The following SUGCT variants were observed in gnomAD, a reference collection of about 807,000 sequenced individuals.
The protein encoded by SUGCT is succinyl-CoA:glutarate-CoA transferase, also known as succinyl-CoA:glutarate CoA-transferase.
Under a neutral mutation model 55.0 loss-of-function variants are expected in SUGCT, and 41 were observed. That is an observed-to-expected ratio of 0.74 (90% CI 0.58 to 0.97). The LOEUF (loss-of-function observed/expected upper bound fraction) is 0.97, where lower values mean the gene tolerates loss of function less well. Ranked by LOEUF, SUGCT falls within the 50% of genes least tolerant of loss-of-function variation. The pLI, the probability that SUGCT is intolerant of heterozygous loss-of-function variation, is 0.00. For missense variants in SUGCT, 568 were observed against 547.8 expected, an observed-to-expected ratio of 1.04 and a Z score of -0.37; for synonymous variants, 187 against 200.4, an observed-to-expected ratio of 0.93 and a Z score of 0.56.
At chr7:40,853,640 C>T (rs952214760) in intron 13 of SUGCT, among the ~76,000 whole-genome samples, 5 of 152,198 alleles carry the variant, frequency 3.3e-5, no homozygotes, top group Non-Finnish European at 5.9e-5. Context: ...GCTGGGATTA[C>T]AGGCATGAGC....
intron 7 of SUGCT, among the ~76,000 whole-genome samples, chr7:40,266,678 T>C (rs1307541577): frequency 6.6e-6 from 1 of 152,144 alleles, no homozygotes; most frequent in Non-Finnish European, 1.5e-5. Flanking sequence ...TTTTAGTGAA[T>C]TTTTGAATAC....
the SUGCT span, chr7:40,966,809 T>C: frequency 2.0e-5 from 3 of 152,224 alleles, no homozygotes; most frequent in African/African-American, 7.2e-5. Flanking sequence ...TAAAGTGACT[T>C]AAACATAGAG....
At chr7:40,287,769 G>C (rs1041994291) in intron 8 of SUGCT, among the ~76,000 whole-genome samples, 1 of 152,066 alleles carries the variant, frequency 6.6e-6, no homozygotes, top group Non-Finnish European at 1.5e-5. Flanking sequence ...AAAGTGCTGG[G>C]ATTACAAGCA....
At chr7:41,031,026 ATC>A in the SUGCT span, among the ~76,000 whole-genome samples, 1 of 152,130 alleles carries the variant, frequency 6.6e-6, no homozygotes, top group African/African-American at 2.4e-5. Context: ...CAGTGACACG[ATC>A]TCAGCACACA....
intron 9 of SUGCT, among the ~76,000 whole-genome samples, chr7:40,324,699 T>C (rs1490347474): frequency 6.6e-6 from 1 of 152,180 alleles, no homozygotes; most frequent in Non-Finnish European, 1.5e-5. Flanking sequence ...ATGGAAGCCC[T>C]CTACTGTCTA....
chr7:40,837,810 C>T (rs1482473900), intron 13 of SUGCT, among the ~76,000 whole-genome samples: 1 of 152,138 alleles, frequency 6.6e-6, no homozygotes, highest in Admixed American at 6.5e-5. Context: ...GGTGGGGTTT[C>T]ACCATGTTGG....
chr7:40,765,063 G>A (rs1193203642), intron 13 of SUGCT, among the ~76,000 whole-genome samples: 1 of 152,178 alleles, frequency 6.6e-6, no homozygotes, highest in Non-Finnish European at 1.5e-5. Context: ...GTAAGTGACA[G>A]CTTATTTCAT....
At chr7:40,506,315 A>G (rs1441623441) in intron 12 of SUGCT, among the ~76,000 whole-genome samples, 4 of 152,164 alleles carry the variant, frequency 2.6e-5, no homozygotes, top group South Asian at 2.1e-4. Flanking sequence ...TGAATATGTC[A>G]TTCCACTGCC....
intron 9 of SUGCT, among the ~76,000 whole-genome samples, chr7:40,414,979 A>C (rs1786890747): frequency 6.8e-6 from 1 of 147,578 alleles, no homozygotes; most frequent in Non-Finnish European, 1.5e-5. Context: ...CTGGGGGCGG[A>C]TGTTGCACTG....
intron 12 of SUGCT, among the ~76,000 whole-genome samples, chr7:40,566,180 C>T (rs1562866090): frequency 6.6e-6 from 1 of 152,234 alleles, no homozygotes; most frequent in East Asian, 1.9e-4. Context: ...ACCAAGTAAA[C>T]AGACAGAATA....
the SUGCT span, among the ~76,000 whole-genome samples, chr7:40,970,167 T>C: frequency 8.5e-4 from 129 of 152,176 alleles, no homozygotes; most frequent in African/African-American, 3.0e-3. Context: ...GGCTCTATGG[T>C]TTTGTTTTTC....
At chr7:40,332,443 A>ATTTTTTTTTTTTTTT (rs57902207) in intron 9 of SUGCT, among the ~76,000 whole-genome samples, 1 of 139,354 alleles carries the variant, frequency 7.2e-6, no homozygotes, top group African/African-American at 2.6e-5. Context: ...TCTGCATTGG[A>ATTTTTTTTTTTTTTT]TTTTTTTTTT....
intron 12 of SUGCT, among the ~76,000 whole-genome samples, chr7:40,582,648 C>A (rs767643665): frequency 4.6e-5 from 7 of 152,160 alleles, no homozygotes; most frequent in Non-Finnish European, 1.0e-4. Context: ...ATTGCAGCTT[C>A]AAACATCCTC....
chr7:40,178,524 G>T (rs1785031257), intron 1 of SUGCT, among the ~76,000 whole-genome samples: 1 of 151,820 alleles, frequency 6.6e-6, no homozygotes, highest in South Asian at 2.1e-4. Flanking sequence ...TAGAGAGAAA[G>T]AATTTCTCCC....
chr7:40,949,886 G>C, the SUGCT span, among the ~76,000 whole-genome samples: 58,836 of 151,694 alleles, frequency 0.39, 11,928 homozygotes, highest in Admixed American at 0.5. Flanking sequence ...AAGTCAGGTA[G>C]CATGATGCCT....
At chr7:40,153,366 G>T in intron 1 of SUGCT, 1 of 361,668 alleles carries the variant, frequency 2.8e-6, no homozygotes, top group East Asian at 7.6e-5. Context: ...GAGATTCTGG[G>T]GGTGATGTTT....
At chr7:40,983,559 T>A in the SUGCT span, among the ~76,000 whole-genome samples, 1 of 152,332 alleles carries the variant, frequency 6.6e-6, no homozygotes, top group East Asian at 1.9e-4. Context: ...TCTAGGCTTC[T>A]GTTCTCCCAC....
At chr7:40,421,700 A>G (rs1232935489) in intron 9 of SUGCT, among the ~76,000 whole-genome samples, 1 of 152,192 alleles carries the variant, frequency 6.6e-6, no homozygotes, top group Non-Finnish European at 1.5e-5. Context: ...TAGAGAGTGT[A>G]TGATGCCATG....
At chr7:40,836,939 C>T (rs937212945) in intron 13 of SUGCT, among the ~76,000 whole-genome samples, 7 of 151,962 alleles carry the variant, frequency 4.6e-5, no homozygotes, top group Admixed American at 4.6e-4. Flanking sequence ...TTTTATTTCT[C>T]GGGGATACAT....
Sources: allele counts gnomAD v4.1 joint callset (sites outside exome capture counted in the v4.1 genomes callset), GRCh38; gene constraint gnomAD v4.1.1; transcripts MANE v1.5; gene names NCBI Gene and HGNC (gene_info 2026-07-23, HGNC 2026-07-21).